The following TRAIP variants were observed in gnomAD, a reference collection of about 807,000 sequenced individuals.
The protein encoded by TRAIP is TRAF interacting protein, also known as E3 ubiquitin-protein ligase TRAIP.
In TRAIP, 37 loss-of-function variants were observed where a neutral mutation model predicts 65.0. The ratio of observed to expected loss-of-function variants is 0.57; its 90% confidence interval spans 0.44 to 0.75. The LOEUF is 0.75. Ranked by LOEUF, TRAIP falls within the 30% of genes least tolerant of loss-of-function variation. TRAIP has a pLI of 0.00. For missense variants in TRAIP, 481 were observed against 579.4 expected (o/e 0.83, Z 1.74); for synonymous variants, 187 against 219.1 (o/e 0.85, Z 1.29).
chr3:49,830,115 G>C, intron 11 of TRAIP, 47 bp from the exon 12 acceptor site: 2 of 1,604,008 alleles, frequency 1.2e-6, no homozygotes, highest in Non-Finnish European at 1.7e-6. Flanking sequence ...CAAGACATGG[G>C]GGCAGGTGAA....
In TRAIP at chr3:49,829,491, A is replaced by T; in HGVS notation, c.1254T>A (p.Asp418Glu). The change falls in exon 14 of 15, where the codon GAT (aspartate) becomes GAA (glutamate). Residue 418 changes from aspartate (D) to glutamate (E), a missense_variant. By Grantham distance (45) the Asp-to-Glu change is conservative. Transcript: ENST00000331456. ...TGAATTTTGTCCGGCCACCGAGCCCATCGAAGCCTGTCCTTACCTAGGGTG... is the reference window on the plus strand; with the variant it reads ...TGAATTTTGTCCGGCCACCGAGCCCTTCGAAGCCTGTCCTTACCTAGGGTG... ...CSKDVVRTGF[D>E]GLGGRTKFIQ... is the part of the protein sequence containing the mutation. 6.2e-7 allele frequency: 1 copy of T among 1,614,164 alleles called. No homozygotes were observed. Among genetic ancestry groups the T allele is most frequent in the Admixed American group, 1.7e-5 (1 of 60,030 alleles).
intron 10 of TRAIP, among the ~76,000 whole-genome samples, chr3:49,834,766 A>G (rs1359499367): frequency 6.6e-6 from 1 of 152,234 alleles, no homozygotes; most frequent in Non-Finnish European, 1.5e-5. Context: ...ACCACCAGGT[A>G]TGGGAGGGGA....
intron 8 of TRAIP, chr3:49,840,643 C>A: frequency 1.8e-6 from 1 of 562,222 alleles, no homozygotes; most frequent in Non-Finnish European, 3.2e-6. Flanking sequence ...TCCAGGAGCC[C>A]TTCTACTCCA....
chr3:49,850,650 ATTTTTTTTTTTT>A (rs869237477), intron 1 of TRAIP, among the ~76,000 whole-genome samples: 1 of 90,684 alleles, frequency 1.1e-5, no homozygotes, highest in Admixed American at 1.3e-4. Context: ...AATAGTCTGC[ATTTTTTTTTTTT>A]TTTTTTTTTT....
In TRAIP at chr3:49,855,659, G is replaced by A. The variant is rs2081964168; in HGVS notation, c.98+697C>T. On this transcript the variant is annotated intron_variant, in intron 1 of 14. Transcript: ENST00000331456. ...GCCAGCAGCCATCAGTGTCATGCCT[G>A]CCTTTCTGCTTCCTAGGGCCTTTAG... is the stretch of plus-strand genomic sequence containing the variant. Among the ~76,000 whole-genome samples the A allele has an allele frequency of 2.0e-5, 3 of 152,274 alleles. No individual in the cohort carries two copies. The South Asian group carries it at 6.2e-4, about 32-fold the overall frequency.
In TRAIP at chr3:49,848,019, T is replaced by C. The variant is rs960043076; in HGVS notation, c.156+124A>G. On this transcript the variant is annotated intron_variant, in intron 2 of 14. Transcript: ENST00000331456. Reference sequence around the variant, plus strand: ...CTCAAGGGCACAAGTGAGGCTCAACTGGCCTTAAACCAGGAGGGTCCAAAA... The same window carrying C: ...CTCAAGGGCACAAGTGAGGCTCAACCGGCCTTAAACCAGGAGGGTCCAAAA... 27 of 1,051,538 alleles carry C rather than the reference T, an allele frequency of 2.6e-5. No homozygotes were observed. The Admixed American group carries it at 4.9e-4, about 19-fold the overall frequency. 65.1% of individuals were successfully genotyped at this position (1,051,538 alleles called of 1,614,324 possible). A position where few individuals can be genotyped will look rare whatever the true frequency, so the allele number is the denominator to read the frequency against.
Position 49,828,972 on chromosome 3 carries a change from C to CA in TRAIP, c.*130dup, listed in dbSNP as rs954615526. Reference sequence around the variant, plus strand: ...AGTCTCTGGGTGCCACACTCACCCTCACCTGTTTGTCTGCCCTTACACCTC... The same window carrying CA: ...AGTCTCTGGGTGCCACACTCACCCTCAACCTGTTTGTCTGCCCTTACACCTC... On this transcript the variant is annotated 3_prime_UTR_variant, in exon 15 of 15. Transcript: ENST00000331456. 5.4e-6 allele frequency: 7 copies of CA among 1,290,138 alleles called. No individual in the cohort carries two copies. The highest frequency in any genetic ancestry group is 6.6e-6 in the Non-Finnish European group (6 of 908,808). The allele number at this position is 1,290,138 out of a possible 1,614,324, so 79.9% of individuals were successfully genotyped here.
chr3:49,841,115 G>A (rs760611835), intron 7 of TRAIP, 43 bp from the exon 8 acceptor site: 2 of 1,547,636 alleles, frequency 1.3e-6, no homozygotes, highest in Non-Finnish European at 1.8e-6. Flanking sequence ...AAGAACACCT[G>A]CAGGTCAGAC....
chr3:49,836,891 A>G (rs1195100597), intron 10 of TRAIP, among the ~76,000 whole-genome samples: 1 of 151,756 alleles, frequency 6.6e-6, no homozygotes, highest in African/African-American at 2.4e-5. Flanking sequence ...AACCAGATCA[A>G]CTGTTGCCAT....
rs1211058625 is a variant in TRAIP, at chr3:49,848,184, C to T, written c.115G>A (p.Glu39Lys). ...FHLQCLIQWF[E>K]TAPSRTCPQC... ...GGGCAGGTCCGACTTGGTGCTGTCTCAAACCACTGAATTAGGCTGGAATGA... is the reference window on the plus strand; with the variant it reads ...GGGCAGGTCCGACTTGGTGCTGTCTTAAACCACTGAATTAGGCTGGAATGA... The change falls in exon 2 of 15, where the codon GAG becomes AAG. Residue 39 changes from glutamate to lysine, a missense_variant. Physicochemically the swap from Glu to Lys is moderately conservative, Grantham distance 56. Coordinates refer to ENST00000331456, the MANE Select transcript of TRAIP (RefSeq NM_005879.3). 6.2e-7 allele frequency: 1 copy of T among 1,614,106 alleles called. No individual in the cohort carries two copies. The highest frequency in any genetic ancestry group is 8.5e-7 in the Non-Finnish European group (1 of 1,180,040).
In TRAIP at chr3:49,839,761, G is replaced by GCTCAACAAAC; in HGVS notation, c.884+1_884+10dup. 6.2e-7 allele frequency: 1 copy of GCTCAACAAAC among 1,613,444 alleles called. No individual in the cohort carries two copies. The highest frequency in any genetic ancestry group is 8.5e-7 in the Non-Finnish European group (1 of 1,179,390). On this transcript the variant is annotated intron_variant, in intron 10 of 14. Coordinates refer to ENST00000331456, the MANE Select transcript of TRAIP (RefSeq NM_005879.3). ...CCTTGTGACCCCTGTACCGCCCAAGGCTCAACAAACCTCTCTAAAACCAGG... is the reference window on the plus strand; with the variant it reads ...CCTTGTGACCCCTGTACCGCCCAAGGCTCAACAAACCTCAACAAACCTCTCTAAAACCAGG...
chr3:49,835,138 G>T (rs776532829), intron 10 of TRAIP, among the ~76,000 whole-genome samples: 7 of 152,204 alleles, frequency 4.6e-5, no homozygotes, highest in Non-Finnish European at 7.3e-5. Context: ...AACCCAGGGG[G>T]TGGAGGTTGC....
At chr3:49,840,646 C>T in intron 8 of TRAIP, 1 of 555,632 alleles carries the variant, frequency 1.8e-6, no homozygotes, top group South Asian at 2.3e-5. Context: ...AGGAGCCCTT[C>T]TACTCCAGAT....
At chr3:49,844,720 G>T (rs759904393) in intron 3 of TRAIP, 140 bp from the exon 4 acceptor site, 2 of 864,146 alleles carry the variant, frequency 2.3e-6, no homozygotes, top group Non-Finnish European at 3.7e-6. Context: ...TCAAGGCCAA[G>T]CTAAGCTAAC....
intron 3 of TRAIP, among the ~76,000 whole-genome samples, chr3:49,846,113 C>T (rs777081025): frequency 1.3e-5 from 2 of 152,238 alleles, no homozygotes; most frequent in African/African-American, 2.4e-5. Context: ...AAACTACCCA[C>T]TTTCCCCTAA....
chr3:49,848,441 G>A (rs1259064504), intron 1 of TRAIP, among the ~76,000 whole-genome samples: 2 of 152,146 alleles, frequency 1.3e-5, no homozygotes, highest in African/African-American at 4.8e-5. Context: ...CTGTCCTTTA[G>A]GCAACATTCT....
Position 49,842,471 on chromosome 3 carries a change from T to C in TRAIP, c.485A>G (p.Lys162Arg). The change falls in exon 6 of 15, where the codon AAG (lysine) becomes AGG (arginine). Residue 162 changes from lysine to arginine, a missense_variant. By Grantham distance (26) the Lys-to-Arg change is conservative. Transcript: ENST00000331456. ...AACTCACTGCTCCATGGTCTTCATC[T>C]TGCTCCTGAGCCGGCGGGCCTCCTC... ...AQEEARRLRS[K>R]MKTMEQIELL... The C allele has an allele frequency of 6.2e-7, 1 of 1,614,028 alleles. No homozygotes were observed. The highest frequency in any genetic ancestry group is 8.5e-7 in the Non-Finnish European group (1 of 1,179,986).
At chr3:49,839,216 A>T (rs1233419063) in intron 10 of TRAIP, among the ~76,000 whole-genome samples, 1 of 150,002 alleles carries the variant, frequency 6.7e-6, no homozygotes, top group Non-Finnish European at 1.5e-5. Flanking sequence ...AAAAAAAAAG[A>T]CTGGGGCCAC....
At chr3:49,837,359 G>A (rs563896054) in intron 10 of TRAIP, among the ~76,000 whole-genome samples, 1 of 152,044 alleles carries the variant, frequency 6.6e-6, no homozygotes, top group East Asian at 1.9e-4. Context: ...TACCCAGGAG[G>A]CTGAGGCAGG....
Sources: allele counts gnomAD v4.1 joint callset (sites outside exome capture counted in the v4.1 genomes callset), GRCh38; gene constraint gnomAD v4.1.1; transcripts MANE v1.5; gene names NCBI Gene and HGNC (gene_info 2026-07-23, HGNC 2026-07-21).